Variants in ERF observed in about 807,000 individuals in gnomAD.
ERF encodes ETS2 repressor factor.
A neutral mutation model predicts 41.6 loss-of-function variants in ERF; 10 were observed. The observed-to-expected ratio is 0.24, with a 90% CI of 0.15 to 0.41. The LOEUF is 0.41. Among genes scored for constraint, ERF ranks in the 10% least tolerant of loss-of-function variants. The pLI is 1.00. For missense variants in ERF, 621 were observed against 763.2 expected (o/e 0.81, Z 2.19); for synonymous variants, 395 against 342.4 (o/e 1.15, Z -1.70).
Position 42,249,374 on chromosome 19 carries a change from G to C in ERF, c.738C>G (p.Ser246Arg), listed in dbSNP as rs776130446. The C allele has an allele frequency of 6.3e-7, 1 of 1,575,846 alleles. No individual in the cohort carries two copies. The change falls in exon 4 of 4, where the codon AGC becomes AGG. Residue 246 changes from serine (S) to arginine (R), a missense_variant. Physicochemically the swap from Ser to Arg is moderately radical, Grantham distance 110. Around this residue, in one of 3 missense-constraint regions of ERF, gnomAD observed 569 missense variants for 625.5 expected, o/e 0.91. Coordinates refer to ENST00000222329, the MANE Select transcript of ERF (RefSeq NM_006494.4). The surrounding 1 kb of genome is among the most constrained non-coding windows in gnomAD (Gnocchi z 8.6). ...CGGCCAGAGGCGACACAGGGAAGGGGCTGAGGGGTTCAGGGCCACCCCGAG... is the reference window on the plus strand; with the variant it reads ...CGGCCAGAGGCGACACAGGGAAGGGCCTGAGGGGTTCAGGGCCACCCCGAG... ...PRPRGGPEPL[S>R]PFPVSPLAGP... is the part of the protein sequence containing the mutation.
Position 42,254,909 on chromosome 19 carries a change from C to T in ERF, c.22+69G>A, listed in dbSNP as rs916420826. ...GGGCTCCCCCGGACCCCTTCAGCCCCCCCAAAGTTTCTCCGTTCGGTTTCC... is the reference window on the plus strand; with the variant it reads ...GGGCTCCCCCGGACCCCTTCAGCCCTCCCAAAGTTTCTCCGTTCGGTTTCC... On this transcript the variant is annotated intron_variant, in intron 1 of 3. Coordinates refer to ENST00000222329, the MANE Select transcript of ERF (RefSeq NM_006494.4). The T allele has an allele frequency of 1.0e-5, 15 of 1,491,306 alleles. No individual in the cohort carries two copies. The African/African-American group carries it at 1.0e-4, about 10-fold the overall frequency. 92.4% of individuals were successfully genotyped at this position (1,491,306 alleles called of 1,614,324 possible).
Position 42,248,582 on chromosome 19 carries a change from G to A in ERF, c.1530C>T (p.Asp510=). 3 of 1,584,214 alleles carry A rather than the reference G, an allele frequency of 1.9e-6. No homozygotes were observed. Among genetic ancestry groups the A allele is most frequent in the Non-Finnish European group, 2.6e-6 (3 of 1,164,490 alleles). The change falls in exon 4 of 4, where the codon GAC becomes GAT. Residue 510 remains aspartate, a synonymous_variant. Coordinates refer to ENST00000222329, the MANE Select transcript of ERF (RefSeq NM_006494.4). This position sits in a 1 kb window ranked among gnomAD's most constrained non-coding sequence, Gnocchi z 4.2. The part of the protein sequence containing the change: ...PAGGFEDEGE[D]KKVRGEGPGE... ...CAGGCCCCTCCCCACGCACCTTCTT[G>A]TCCTCACCCTCATCCTCAAAGCCCC...
rs2036352703 is a variant in ERF at position 42,247,792 on chromosome 19, T to A, written c.*673A>T. The A allele has an allele frequency of 6.7e-6, 1 of 149,392 alleles. No homozygotes were observed. Among genetic ancestry groups the A allele is most frequent in the African/African-American group, 2.5e-5 (1 of 40,362 alleles). 9.3% of individuals were successfully genotyped at this position (149,392 alleles called of 1,614,324 possible). A position where few individuals can be genotyped will look rare whatever the true frequency, so the allele number is the denominator to read the frequency against. ...GGCCAGTCCTAGGAGCAGCTGGGGA[T>A]GAAGGGGTTGGACCGGTGCTGGGGT... On this transcript the variant is annotated 3_prime_UTR_variant, in exon 4 of 4. Coordinates refer to ENST00000222329, the MANE Select transcript of ERF (RefSeq NM_006494.4).
Position 42,249,880 on chromosome 19 carries a change from T to C in ERF, c.320A>G (p.Asn107Ser), listed in dbSNP as rs1360969996. 6.2e-7 allele frequency: 1 copy of C among 1,614,108 alleles called. No homozygotes were observed. Residue 107 changes from asparagine to serine, a missense_variant, in exon 3 of 4, where the codon AAT becomes AGT. Asn to Ser is a conservative substitution (Grantham distance 46). Around this residue, in one of 3 missense-constraint regions of ERF, gnomAD observed 569 missense variants for 625.5 expected, o/e 0.91. Transcript: ENST00000222329. The surrounding 1 kb of genome is among the most constrained non-coding windows in gnomAD (Gnocchi z 8.6). ...TKGKRFTYKF[N>S]FNKLVLVNYP... is the part of the protein sequence containing the mutation. ...ATTGACCAGCACCAGTTTGTTGAAA[T>C]TGAACTTGTAGGTGAACCGTTTCCC... is the stretch of plus-strand genomic sequence containing the variant.
intron 1 of ERF, chr19:42,254,738 G>A (rs963110047): frequency 5.1e-6 from 2 of 390,724 alleles, no homozygotes; most frequent in Admixed American, 4.7e-5. Flanking sequence ...CGGGGTCCCG[G>A]TAGGGATACA....
At position 42,249,594 on chromosome 19, in the gene ERF, A is replaced by G; in HGVS notation, c.518T>C (p.Phe173Ser). Residue 173 changes from phenylalanine (F) to serine (S), a missense_variant, in exon 4 of 4, where the codon TTC becomes TCC. By Grantham distance (155) the Phe-to-Ser change is radical. Coordinates refer to ENST00000222329, the MANE Select transcript of ERF (RefSeq NM_006494.4). The surrounding 1 kb of genome is among the most constrained non-coding windows in gnomAD (Gnocchi z 8.6). ...CAGGCGGCGGGCCACCACAGCCGAGAAGAGGGAAGATGAAGATGAAGAGCA... is the reference window on the plus strand; with the variant it reads ...CAGGCGGCGGGCCACCACAGCCGAGGAGAGGGAAGATGAAGATGAAGAGCA... Reference protein sequence around the residue: ...PACSSSSSSLFSAVVARRLGR... With the variant: ...PACSSSSSSLSSAVVARRLGR... 6.2e-7 allele frequency: 1 copy of G among 1,613,526 alleles called. No individual in the cohort carries two copies. The highest frequency in any genetic ancestry group is 1.1e-5 in the South Asian group (1 of 91,056).
Position 42,248,805 on chromosome 19 carries a change from T to C in ERF, c.1307A>G (p.Glu436Gly). 6.2e-7 allele frequency: 1 copy of C among 1,613,228 alleles called. No homozygotes were observed. The highest frequency in any genetic ancestry group is 2.2e-5 in the East Asian group (1 of 44,846). ...KVEPISEGES[E>G]EVEVTDISDE... ...ACTGATGTCAGTCACCTCTACCTCCTCCGACTCGCCTTCCGAGATGGGCTC... is the reference window on the plus strand; with the variant it reads ...ACTGATGTCAGTCACCTCTACCTCCCCCGACTCGCCTTCCGAGATGGGCTC... The change falls in exon 4 of 4, where the codon GAG (glutamate) becomes GGG (glycine). Residue 436 changes from glutamate to glycine, a missense_variant. Glu to Gly is a moderately conservative substitution (Grantham distance 98). Around this residue, in one of 3 missense-constraint regions of ERF, gnomAD observed 569 missense variants for 625.5 expected, o/e 0.91. Transcript: ENST00000222329. The surrounding 1 kb of genome is among the most constrained non-coding windows in gnomAD (Gnocchi z 4.2).
intron 1 of ERF, 130 bp downstream of exon 1, chr19:42,254,848 A>C (rs1052150520): frequency 9.3e-7 from 1 of 1,078,170 alleles, no homozygotes; most frequent in African/African-American, 1.7e-5. Flanking sequence ...ACAGGTCTCC[A>C]GTGCTTGAGG....
In ERF at chr19:42,248,527, G is replaced by C; in HGVS notation, c.1585C>G (p.Arg529Gly). Reference protein sequence around the residue: ...GEAGGPLTPRRVSSDLQHATA... With the variant: ...GEAGGPLTPRGVSSDLQHATA... ...GCATGCTGGAGGTCAGAGCTCACCC[G>C]CCTTGGGGTGAGGGGCCCCCCAGCC... Residue 529 changes from arginine (R) to glycine (G), a missense_variant, in exon 4 of 4, where the codon CGG becomes GGG. This residue lies in a region of ERF where 569 missense variants were observed against 625.5 expected (regional missense o/e 0.91). Coordinates refer to ENST00000222329, the MANE Select transcript of ERF (RefSeq NM_006494.4). The surrounding 1 kb of genome is among the most constrained non-coding windows in gnomAD (Gnocchi z 4.2). 13 of 1,539,764 alleles carry C rather than the reference G, an allele frequency of 8.4e-6. No homozygotes were observed. Among genetic ancestry groups the C allele is most frequent in the Non-Finnish European group, 1.1e-5 (13 of 1,146,048 alleles).
chr19:42,248,762 G>T lies in ERF; in HGVS notation c.1350C>A (p.Asp450Glu). The T allele has an allele frequency of 6.2e-7, 1 of 1,613,418 alleles. No individual in the cohort carries two copies. Among genetic ancestry groups the T allele is most frequent in the East Asian group, 2.2e-5 (1 of 44,876 alleles). Residue 450 changes from aspartate (D) to glutamate (E), a missense_variant, in exon 4 of 4, where the codon GAC becomes GAA. Transcript: ENST00000222329. The surrounding 1 kb of genome is among the most constrained non-coding windows in gnomAD (Gnocchi z 4.2). Reference sequence around the variant, plus strand: ...CACGGGGCGTCTTGAACACCTCCCCGTCTTCCTCATCCTCATCACTGATGT... The same window carrying T: ...CACGGGGCGTCTTGAACACCTCCCCTTCTTCCTCATCCTCATCACTGATGT... ...VTDISDEDEEDGEVFKTPRAP... is the reference protein window; with the variant it reads ...VTDISDEDEEEGEVFKTPRAP...
At chr19:42,253,562 G>A (rs1599828310) in intron 1 of ERF, among the ~76,000 whole-genome samples, 1 of 152,148 alleles carries the variant, frequency 6.6e-6, no homozygotes, top group Non-Finnish European at 1.5e-5. Flanking sequence ...CCTTGGGCGA[G>A]GGTAGGCTCC....
rs752492976 is a variant in ERF at position 42,249,011 on chromosome 19, G to A, written c.1101C>T (p.Ser367=). 5.6e-6 allele frequency: 9 copies of A among 1,610,194 alleles called. No homozygotes were observed. In the East Asian group the frequency reaches 2.0e-4, roughly 36 times the overall value. Residue 367 remains serine (S), a synonymous_variant, in exon 4 of 4, where the codon TCC becomes TCT. Transcript: ENST00000222329. This position sits in a 1 kb window ranked among gnomAD's most constrained non-coding sequence, Gnocchi z 8.6. ...TPPVPSSASS[S]SSSSSSPFKF... Reference sequence around the variant, plus strand: ...TGAATGGGGAGGAAGAAGAAGAAGAGGATGACGAGGCCGAGGAGGGGACCG... The same window carrying A: ...TGAATGGGGAGGAAGAAGAAGAAGAAGATGACGAGGCCGAGGAGGGGACCG...
At position 42,248,371 on chromosome 19, in the gene ERF, A is replaced by T; in HGVS notation, c.*94T>A. On this transcript the variant is annotated 3_prime_UTR_variant, in exon 4 of 4. Coordinates refer to ENST00000222329, the MANE Select transcript of ERF (RefSeq NM_006494.4). The surrounding 1 kb of genome is among the most constrained non-coding windows in gnomAD (Gnocchi z 4.2). ...AAAAGGGAGGAGGCAGGGAAGAGAC[A>T]AGAGAGCTGCCCTCACCTCCAGGGC... The T allele has an allele frequency of 8.7e-7, 1 of 1,143,158 alleles. No individual in the cohort carries two copies. Among genetic ancestry groups the T allele is most frequent in the Non-Finnish European group, 1.1e-6 (1 of 870,884 alleles). 70.8% of individuals were successfully genotyped at this position (1,143,158 alleles called of 1,614,324 possible).
In ERF at chr19:42,248,880, T is replaced by G; in HGVS notation, c.1232A>C (p.Glu411Ala). ...CGGTGGGGCTAGCGCCCCTGCCCCCTCAGCCAGCCCGCCTGCACTGCCACC... is the reference window on the plus strand; with the variant it reads ...CGGTGGGGCTAGCGCCCCTGCCCCCGCAGCCAGCCCGCCTGCACTGCCACC... Reference protein sequence around the residue: ...KSGGSAGGLAEGAGALAPPPP... With the variant: ...KSGGSAGGLAAGAGALAPPPP... Residue 411 changes from glutamate to alanine, a missense_variant, in exon 4 of 4, where the codon GAG (glutamate) becomes GCG (alanine). Glu to Ala is a moderately radical substitution (Grantham distance 107). Coordinates refer to ENST00000222329, the MANE Select transcript of ERF (RefSeq NM_006494.4). This position sits in a 1 kb window ranked among gnomAD's most constrained non-coding sequence, Gnocchi z 4.2. 5 of 1,600,404 alleles carry G rather than the reference T, an allele frequency of 3.1e-6. No individual in the cohort carries two copies. The highest frequency in any genetic ancestry group is 4.3e-6 in the Non-Finnish European group (5 of 1,174,836).
At chr19:42,254,344 T>G (rs943696304) in intron 1 of ERF, among the ~76,000 whole-genome samples, 17 of 151,622 alleles carry the variant, frequency 1.1e-4, no homozygotes, top group African/African-American at 4.1e-4. Context: ...AAGCCGCGCG[T>G]TCTAAGGTCG....
chr19:42,248,935 C>T lies in ERF; in HGVS notation c.1177G>A (p.Glu393Lys), dbSNP rs1187017427. The change falls in exon 4 of 4, where the codon GAG becomes AAG. Residue 393 changes from glutamate (E) to lysine (K), a missense_variant. Glu to Lys is a moderately conservative substitution (Grantham distance 56, BLOSUM62 1). Transcript: ENST00000222329. This position sits in a 1 kb window ranked among gnomAD's most constrained non-coding sequence, Gnocchi z 4.2. ...TTGTCAGCACCGGCTACGGCCTTCT[C>T]CCCAGCTGCCCGCTGCCGGCGTCCG... ...PLGRRQRAAG[E>K]KAVAGADKSG... 1.9e-6 allele frequency: 3 copies of T among 1,606,378 alleles called. No homozygotes were observed. Among genetic ancestry groups the T allele is most frequent in the African/African-American group, 1.3e-5 (1 of 74,932 alleles).
At chr19:42,251,393 G>A (rs945356498) in intron 1 of ERF, 21 of 980,996 alleles carry the variant, frequency 2.1e-5, no homozygotes, top group Non-Finnish European at 2.5e-5. Context: ...ATTAACCTTG[G>A]GTAGAGGTTG....
chr19:42,250,818 G>A lies in ERF; in HGVS notation c.23-253C>T, dbSNP rs375117055. On this transcript the variant is annotated intron_variant, in intron 1 of 3. Coordinates refer to ENST00000222329, the MANE Select transcript of ERF (RefSeq NM_006494.4). The surrounding 1 kb of genome is among the most constrained non-coding windows in gnomAD (Gnocchi z 5.1). ...CCGGGAGAAACAGGAAACCGTCGGC[G>A]GTGGGTCCCGGGGCCAGTGCCAGGG... Among the ~76,000 whole-genome samples, 22 of 152,284 alleles carry A rather than the reference G, an allele frequency of 1.4e-4. No homozygotes were observed. Among genetic ancestry groups the A allele is most frequent in the African/African-American group, 4.1e-4 (17 of 41,574 alleles).
intron 1 of ERF, among the ~76,000 whole-genome samples, chr19:42,251,059 C>G (rs2036437009): frequency 6.6e-6 from 1 of 152,032 alleles, no homozygotes; most frequent in African/African-American, 2.4e-5. Context: ...AACCCCAAGA[C>G]CTGAGAGGAA....
Sources: allele counts gnomAD v4.1 joint callset (sites outside exome capture counted in the v4.1 genomes callset), GRCh38; gene constraint gnomAD v4.1.1; regional missense constraint gnomAD v4.1.1; non-coding constraint Gnocchi (gnomAD v3.1); transcripts MANE v1.5; gene names NCBI Gene and HGNC (gene_info 2026-07-23, HGNC 2026-07-21).